Variants in SPSB1 observed in about 807,000 individuals in gnomAD.
The protein encoded by SPSB1 is SPRY domain-containing SOCS box protein 1.
Under a neutral mutation model 21.2 loss-of-function variants are expected in SPSB1, and 8 were observed. The ratio of observed to expected loss-of-function variants is 0.38; its 90% CI spans 0.22 to 0.68. The LOEUF (loss-of-function observed/expected upper bound fraction) is 0.68. SPSB1 is among the 30% of genes least tolerant of loss of function. The probability of loss-of-function intolerance (pLI) is 0.53; values close to 1 mark genes in which losing one functional copy is unlikely to be tolerated. For missense variants in SPSB1, 242 were observed against 377.8 expected, an observed-to-expected ratio of 0.64 and a Z score of 2.98; for synonymous variants, 169 against 161.7, an observed-to-expected ratio of 1.05 and a Z score of -0.34.
Position 9,367,590 on chromosome 1 carries a change from C to T in SPSB1, c.*15C>T, listed in dbSNP as rs1334606290. Reference sequence around the variant, plus strand: ...TCTACCAGTGACGTTCGCCATCATACCGCCAGCGCGACAGCCACCTGGTGC... The same window carrying T: ...TCTACCAGTGACGTTCGCCATCATATCGCCAGCGCGACAGCCACCTGGTGC... On this transcript the variant is annotated 3_prime_UTR_variant, in exon 3 of 3. Transcript: ENST00000328089. The surrounding 1 kb of genome is among the most constrained non-coding windows in gnomAD (Gnocchi z 5.9). 1 of 1,589,392 alleles carries T rather than the reference C, an allele frequency of 6.3e-7. No homozygotes were observed. The highest frequency in any genetic ancestry group is 8.6e-7 in the Non-Finnish European group (1 of 1,165,472).
chr1:9,313,696 A>G (rs1277236979), intron 1 of SPSB1, among the ~76,000 whole-genome samples: 1 of 152,196 alleles, frequency 6.6e-6, no homozygotes, highest in Non-Finnish European at 1.5e-5. Context: ...ACAGGCAGGA[A>G]GGTAAGATTG....
rs993815993 is a variant in SPSB1 at position 9,293,413 on chromosome 1, G to A, written c.-150+342G>A. On this transcript the variant is annotated intron_variant, in intron 1 of 2. Coordinates refer to ENST00000328089, the MANE Select transcript of SPSB1 (RefSeq NM_025106.4). The surrounding 1 kb of genome is among the most constrained non-coding windows in gnomAD (Gnocchi z 5.1). ...TCGCAACGAGTTGCGGTCCCGAGGA[G>A]GGGCTGGGGCGCTCCGGGGCCGCCG... Among the ~76,000 whole-genome samples the A allele has an allele frequency of 3.2e-4, 48 of 151,612 alleles. No homozygotes were observed. Among genetic ancestry groups the A allele is most frequent in the Admixed American group, 2.5e-3 (38 of 15,252 alleles).
intron 2 of SPSB1, among the ~76,000 whole-genome samples, chr1:9,364,548 G>A (rs1406816012): frequency 2.0e-5 from 3 of 152,170 alleles, no homozygotes; most frequent in Admixed American, 6.5e-5. Context: ...GGAGCCGGGT[G>A]GGTGGAACCC....
intron 1 of SPSB1, among the ~76,000 whole-genome samples, chr1:9,295,812 C>A (rs1024549280): frequency 1.2e-4 from 19 of 152,150 alleles, no homozygotes; most frequent in African/African-American, 4.6e-4. Context: ...TTCGTCTGGG[C>A]ATTTTGTATC....
chr1:9,316,114 G>A (rs1445102194), intron 1 of SPSB1, among the ~76,000 whole-genome samples: 3 of 152,184 alleles, frequency 2.0e-5, no homozygotes, highest in Non-Finnish European at 4.4e-5. Flanking sequence ...AGGGCACCAC[G>A]GTGGTCCTGT....
At chr1:9,365,658 C>T (rs1569669166) in intron 2 of SPSB1, among the ~76,000 whole-genome samples, 1 of 152,322 alleles carries the variant, frequency 6.6e-6, no homozygotes, top group East Asian at 1.9e-4. Flanking sequence ...TGCCATGCCC[C>T]ACCCGTAGTG....
chr1:9,323,762 G>T (rs574192708), intron 1 of SPSB1, among the ~76,000 whole-genome samples: 1 of 152,288 alleles, frequency 6.6e-6, no homozygotes, highest in African/African-American at 2.4e-5. Flanking sequence ...GCCTCAGTGA[G>T]ACAGTGCTAT....
At chr1:9,319,894 TC>T (rs1458050334) in intron 1 of SPSB1, among the ~76,000 whole-genome samples, 1 of 151,760 alleles carries the variant, frequency 6.6e-6, no homozygotes, top group African/African-American at 2.4e-5. Context: ...GGAAGCAGCC[TC>T]CCCGCCTATC....
intron 1 of SPSB1, among the ~76,000 whole-genome samples, chr1:9,308,003 G>C (rs1569573829): frequency 6.6e-6 from 1 of 152,134 alleles, no homozygotes; most frequent in African/African-American, 2.4e-5. Context: ...CCTCCTCCTG[G>C]GGGGCAGGAG....
chr1:9,356,150 A>G lies in SPSB1; in HGVS notation c.259A>G (p.Ile87Val). 6 of 1,589,834 alleles carry G rather than the reference A, an allele frequency of 3.8e-6. No homozygotes were observed. Among genetic ancestry groups the G allele is most frequent in the Non-Finnish European group, 5.2e-6 (6 of 1,164,628 alleles). The change falls in exon 2 of 3, where the codon ATC (isoleucine) becomes GTC (valine). Residue 87 changes from isoleucine to valine, a missense_variant. Transcript: ENST00000328089. The surrounding 1 kb of genome is among the most constrained non-coding windows in gnomAD (Gnocchi z 7.4). ...RHPVAQSTDA[I>V]RGKVGYTRGL... ...TCCGGTGGCCCAGAGCACGGACGCT[A>G]TCAGGGGCAAAGTCGGGTATACCCG...
intron 1 of SPSB1, among the ~76,000 whole-genome samples, chr1:9,336,008 G>C (rs745576254): frequency 5.9e-5 from 9 of 152,198 alleles, no homozygotes; most frequent in Non-Finnish European, 1.3e-4. Flanking sequence ...CACTGTTTGA[G>C]GACCTAGTGT....
At chr1:9,327,173 A>C (rs1236234902) in intron 1 of SPSB1, among the ~76,000 whole-genome samples, 1 of 152,176 alleles carries the variant, frequency 6.6e-6, no homozygotes, top group African/African-American at 2.4e-5. Context: ...CTCTAAGCCC[A>C]CGGCCTCCAC....
chr1:9,308,436 G>A (rs1387827554), intron 1 of SPSB1, among the ~76,000 whole-genome samples: 3 of 152,214 alleles, frequency 2.0e-5, no homozygotes, highest in East Asian at 3.8e-4. Context: ...GTTGCCTCAG[G>A]CACGAGAGAA....
intron 2 of SPSB1, among the ~76,000 whole-genome samples, chr1:9,361,161 T>TTTTTTTTCTTTTTTTTC (rs1640469547): frequency 1.7e-5 from 2 of 119,826 alleles, no homozygotes; most frequent in African/African-American, 6.8e-5. Context: ...ATTTTCTTTT[T>TTTTTTTTCTTTTTTTTC]TTTTTTTTTT....
intron 1 of SPSB1, among the ~76,000 whole-genome samples, chr1:9,294,983 A>G (rs1570163153): frequency 6.6e-6 from 1 of 152,102 alleles, no homozygotes; most frequent in African/African-American, 2.4e-5. Flanking sequence ...CGGTTCACTT[A>G]CCCAGACTGC....
chr1:9,324,959 C>T lies in SPSB1; in HGVS notation c.-149-30784C>T, dbSNP rs1260988069. Among the ~76,000 whole-genome samples, 2 of 152,216 alleles carry T rather than the reference C, an allele frequency of 1.3e-5. No homozygotes were observed. The highest frequency in any genetic ancestry group is 1.9e-4 in the East Asian group (1 of 5,194). Reference sequence around the variant, plus strand: ...CACCCGGCCTGGCGGGCTGGTGGATCGGAGGCGCCTGTGAGCGGGTCAGTA... The same window carrying T: ...CACCCGGCCTGGCGGGCTGGTGGATTGGAGGCGCCTGTGAGCGGGTCAGTA... On this transcript the variant is annotated intron_variant, in intron 1 of 2. Transcript: ENST00000328089. The surrounding 1 kb of genome is among the most constrained non-coding windows in gnomAD (Gnocchi z 4.3).
chr1:9,363,745 G>A lies in SPSB1; in HGVS notation c.695-3703G>A, dbSNP rs1240170363. Among the ~76,000 whole-genome samples, 1 of 151,996 alleles carries A rather than the reference G, an allele frequency of 6.6e-6. No homozygotes were observed. Among genetic ancestry groups the A allele is most frequent in the Non-Finnish European group, 1.5e-5 (1 of 67,992 alleles). ...GATGGAGTCTCATTCTGTCACCCAG[G>A]CTGTAGTGCAGTGGCGCAATCTCAG... On this transcript the variant is annotated intron_variant, in intron 2 of 2. Coordinates refer to ENST00000328089, the MANE Select transcript of SPSB1 (RefSeq NM_025106.4). The surrounding 1 kb of genome is among the most constrained non-coding windows in gnomAD (Gnocchi z 4.5).
At chr1:9,316,166 G>T (rs772365651) in intron 1 of SPSB1, among the ~76,000 whole-genome samples, 2 of 152,148 alleles carry the variant, frequency 1.3e-5, no homozygotes, top group Non-Finnish European at 2.9e-5. Context: ...GCAGGGGGTG[G>T]GGACCTGGGT....
rs113710077 is a variant in SPSB1, at chr1:9,309,626, C to T, written c.-150+16555C>T. On this transcript the variant is annotated intron_variant, in intron 1 of 2. Coordinates refer to ENST00000328089, the MANE Select transcript of SPSB1 (RefSeq NM_025106.4). ...GGGAGGCCGAGACGGGTGGATCACCCGAGGTCAGGAGTTTGAGACCAGCCT... is the reference window on the plus strand; with the variant it reads ...GGGAGGCCGAGACGGGTGGATCACCTGAGGTCAGGAGTTTGAGACCAGCCT... Among the ~76,000 whole-genome samples the T allele has an allele frequency of 3.9e-5, 6 of 152,106 alleles. No homozygotes were observed. The South Asian group carries it at 6.2e-4, about 16-fold the overall frequency.
Sources: gnomAD v4.1 joint callset for allele counts (sites outside exome capture counted in the v4.1 genomes callset) on GRCh38, gnomAD v4.1.1 for gene constraint, Gnocchi (gnomAD v3.1) non-coding constraint, MANE v1.5 for transcripts, NCBI Gene and HGNC (gene_info 2026-07-23, HGNC 2026-07-21) for gene names.